FER: variants seen among roughly 807,000 people sequenced by gnomAD.
The protein encoded by FER is FER tyrosine kinase.
A neutral mutation model predicts 111.0 loss-of-function variants in FER; 63 were observed. The observed-to-expected ratio is 0.57, with a 90% CI of 0.46 to 0.70. FER has a LOEUF of 0.70. FER is among the 30% of genes least tolerant of loss of function. The pLI, the probability that FER is intolerant of heterozygous loss-of-function variation, is 0.00. For missense variants in FER, 914 were observed against 954.0 expected (o/e 0.96, Z 0.55); for synonymous variants, 327 against 313.9 (o/e 1.04, Z -0.44).
At chr5:109,122,695 G>T (rs989739826) in intron 17 of FER, among the ~76,000 whole-genome samples, 1 of 151,992 alleles carries the variant, frequency 6.6e-6, no homozygotes, top group Non-Finnish European at 1.5e-5. Context: ...TTGTTGTATT[G>T]GGGTCTCTTT....
intron 16 of FER, among the ~76,000 whole-genome samples, chr5:109,075,223 A>G (rs1393006489): frequency 6.6e-6 from 1 of 152,126 alleles, no homozygotes; most frequent in African/African-American, 2.4e-5. Context: ...ACTTAGAAAA[A>G]AATTAATGTA....
intron 13 of FER, among the ~76,000 whole-genome samples, chr5:108,979,848 G>C (rs1761825355): frequency 6.6e-6 from 1 of 152,046 alleles, no homozygotes; most frequent in Non-Finnish European, 1.5e-5. Flanking sequence ...CCCTCAGATA[G>C]TAGTGTTCAG....
chr5:108,849,642 A>G (rs1260473891), intron 5 of FER, among the ~76,000 whole-genome samples: 2 of 152,124 alleles, frequency 1.3e-5, no homozygotes, highest in East Asian at 3.9e-4. Flanking sequence ...CAGTTCTAAC[A>G]TCTGTGTCAG....
intron 5 of FER, among the ~76,000 whole-genome samples, chr5:108,861,673 G>A (rs62360777): frequency 0.22 from 33,615 of 151,940 alleles, 3,908 homozygotes; most frequent in African/African-American, 0.28. Flanking sequence ...AATTTTAAGA[G>A]CATATGCATT....
chr5:108,768,353 C>A (rs978052379), intron 2 of FER, 115 bp downstream of exon 2: 5 of 152,144 alleles, frequency 3.3e-5, no homozygotes, highest in Non-Finnish European at 7.4e-5. Flanking sequence ...ATTCTACTGT[C>A]TATGTAGGCT....
intron 13 of FER, among the ~76,000 whole-genome samples, chr5:109,026,135 A>T (rs1431125223): frequency 6.6e-6 from 1 of 152,192 alleles, no homozygotes; most frequent in Non-Finnish European, 1.5e-5. Context: ...TTATTTTATA[A>T]GTAGGGAAAT....
intron 5 of FER, among the ~76,000 whole-genome samples, chr5:108,867,476 GCTT>G (rs1764181350): frequency 6.6e-6 from 1 of 152,004 alleles, no homozygotes; most frequent in African/African-American, 2.4e-5. Context: ...TTTGGTATAA[GCTT>G]CTTGAAGATG....
intron 17 of FER, among the ~76,000 whole-genome samples, chr5:109,143,812 C>T (rs776564731): frequency 1.3e-5 from 2 of 150,938 alleles, no homozygotes; most frequent in Non-Finnish European, 3.0e-5. Flanking sequence ...CAAGCTGGGA[C>T]TAGAGGTGTA....
intron 16 of FER, among the ~76,000 whole-genome samples, chr5:109,060,934 C>G (rs1774338116): frequency 6.6e-6 from 1 of 152,006 alleles, no homozygotes; most frequent in East Asian, 1.9e-4. Flanking sequence ...ATTAAAATGC[C>G]TGCTATAATC....
intron 13 of FER, among the ~76,000 whole-genome samples, chr5:109,022,023 T>C (rs1010768734): frequency 6.6e-6 from 1 of 152,078 alleles, no homozygotes; most frequent in Non-Finnish European, 1.5e-5. Flanking sequence ...ATAATGTCCT[T>C]AGATCCAAAA....
intron 10 of FER, among the ~76,000 whole-genome samples, chr5:108,942,318 A>G (rs1202200378): frequency 6.6e-6 from 1 of 152,174 alleles, no homozygotes; most frequent in Non-Finnish European, 1.5e-5. Flanking sequence ...GTTTTACTCT[A>G]GGTTTCCTTA....
chr5:109,147,667 GA>G (rs1754368449), intron 17 of FER, among the ~76,000 whole-genome samples: 1 of 151,728 alleles, frequency 6.6e-6, no homozygotes, highest in African/African-American at 2.4e-5. Context: ...ATTTCTAGCT[GA>G]AAAAGGCAGG....
intron 17 of FER, among the ~76,000 whole-genome samples, chr5:109,103,690 T>G (rs17450296): frequency 0.1 from 15,968 of 152,198 alleles, 844 homozygotes; most frequent in Non-Finnish European, 0.12. Context: ...ACTTGTACTT[T>G]ATGAACTGTT....
chr5:108,841,232 G>T (rs532921359), intron 5 of FER, among the ~76,000 whole-genome samples: 1 of 151,934 alleles, frequency 6.6e-6, no homozygotes, highest in East Asian at 1.9e-4. Flanking sequence ...GGTAGTGAAC[G>T]CATTTCAGTT....
chr5:109,139,990 C>T (rs1165186672), intron 17 of FER, among the ~76,000 whole-genome samples: 1 of 152,154 alleles, frequency 6.6e-6, no homozygotes, highest in Non-Finnish European at 1.5e-5. Context: ...AAGCATTTTC[C>T]TGTGATTCCC....
At chr5:109,142,331 C>G (rs998455800) in intron 17 of FER, among the ~76,000 whole-genome samples, 8 of 152,068 alleles carry the variant, frequency 5.3e-5, no homozygotes, top group Admixed American at 2.0e-4. Context: ...TAATCTGACC[C>G]TAATTCCCTT....
chr5:109,176,234 A>T (rs757287390), intron 17 of FER, among the ~76,000 whole-genome samples: 23 of 152,240 alleles, frequency 1.5e-4, no homozygotes, highest in Non-Finnish European at 3.1e-4. Context: ...TAAGGAATCA[A>T]CCTAAATGTC....
At chr5:108,976,304 A>G (rs1761329907) in intron 13 of FER, among the ~76,000 whole-genome samples, 1 of 152,116 alleles carries the variant, frequency 6.6e-6, no homozygotes, top group South Asian at 2.1e-4. Context: ...TCTCACTAGA[A>G]TTATCCTTCT....
intron 11 of FER, among the ~76,000 whole-genome samples, chr5:108,948,530 G>T (rs1757311585): frequency 6.6e-6 from 1 of 152,008 alleles, no homozygotes; most frequent in Non-Finnish European, 1.5e-5. Flanking sequence ...TTATAATTTT[G>T]CATTGAGAAC....
Sources: gnomAD v4.1 joint callset for allele counts (sites outside exome capture counted in the v4.1 genomes callset) on GRCh38, gnomAD v4.1.1 for gene constraint, MANE v1.5 for transcripts, NCBI Gene and HGNC (gene_info 2026-07-23, HGNC 2026-07-21) for gene names.